Variants in NELL1 observed in about 807,000 individuals in gnomAD.
NELL1 encodes protein kinase C-binding protein NELL1.
In NELL1, 76 loss-of-function variants were observed where a neutral mutation model predicts 107.4. That is an observed-to-expected ratio of 0.71 (90% CI 0.59 to 0.86). NELL1 has a LOEUF of 0.86. Among genes scored for constraint, NELL1 ranks in the 40% least tolerant of loss-of-function variants. The pLI, the probability that NELL1 is intolerant of heterozygous loss-of-function variation, is 0.00. For missense variants in NELL1, 1,024 were observed against 1,005.5 expected, an observed-to-expected ratio of 1.02 and a Z score of -0.25; for synonymous variants, 353 against 341.2, an observed-to-expected ratio of 1.03 and a Z score of -0.38.
intron 13 of NELL1, among the ~76,000 whole-genome samples, chr11:21,126,751 G>C (rs1855495006): frequency 1.3e-5 from 2 of 152,206 alleles, no homozygotes; most frequent in Non-Finnish European, 2.9e-5. Context: ...CTTGCCTTGA[G>C]AAGCCCAGGC....
intron 12 of NELL1, among the ~76,000 whole-genome samples, chr11:21,077,603 C>T (rs1277621712): frequency 1.3e-5 from 2 of 151,878 alleles, no homozygotes; most frequent in Non-Finnish European, 1.5e-5. Flanking sequence ...ATTACCCTGG[C>T]GTGGTGGCAC....
intron 13 of NELL1, among the ~76,000 whole-genome samples, chr11:21,174,361 CT>C: frequency 6.6e-6 from 1 of 151,970 alleles, no homozygotes; most frequent in East Asian, 1.9e-4. Context: ...ACATTTTAAG[CT>C]TTTTCCCCCA....
At chr11:20,689,450 A>T (rs1238949656) in intron 2 of NELL1, among the ~76,000 whole-genome samples, 1 of 86,808 alleles carries the variant, frequency 1.2e-5, no homozygotes, top group Admixed American at 1.7e-4. Flanking sequence ...CCCACCCCAC[A>T]ACAGTCCCCA....
chr11:21,043,520 T>A (rs1164597113), intron 12 of NELL1, among the ~76,000 whole-genome samples: 3 of 152,158 alleles, frequency 2.0e-5, no homozygotes, highest in Admixed American at 2.0e-4. Flanking sequence ...GTCCATGGGC[T>A]ATGTTAAGGA....
chr11:21,360,998 T>C (rs370032860), intron 14 of NELL1, among the ~76,000 whole-genome samples: 3 of 152,196 alleles, frequency 2.0e-5, no homozygotes, highest in African/African-American at 7.2e-5. Flanking sequence ...CTATTCATCA[T>C]GCTAGTTGGT....
chr11:20,698,908 T>A (rs887614347), intron 2 of NELL1, among the ~76,000 whole-genome samples: 1 of 152,274 alleles, frequency 6.6e-6, no homozygotes, highest in East Asian at 1.9e-4. Flanking sequence ...CATTCCTGAG[T>A]TACTTCATTT....
At chr11:21,518,479 T>C (rs1363930348) in intron 15 of NELL1, among the ~76,000 whole-genome samples, 1 of 152,152 alleles carries the variant, frequency 6.6e-6, no homozygotes, top group Non-Finnish European at 1.5e-5. Context: ...AAGTAAAAAA[T>C]GTGGACCTGT....
intron 3 of NELL1, among the ~76,000 whole-genome samples, chr11:20,831,532 G>A (rs1858008987): frequency 6.6e-6 from 1 of 152,160 alleles, no homozygotes; most frequent in Admixed American, 6.5e-5. Context: ...AGGAATTATG[G>A]TAGCACAGGA....
chr11:20,691,197 G>A (rs977640582), intron 2 of NELL1, among the ~76,000 whole-genome samples: 19 of 152,196 alleles, frequency 1.2e-4, no homozygotes, highest in East Asian at 7.7e-4. Flanking sequence ...AGACAATGGC[G>A]TTTTCTAGAT....
At chr11:20,824,099 C>A (rs1490638863) in intron 3 of NELL1, among the ~76,000 whole-genome samples, 1 of 150,980 alleles carries the variant, frequency 6.6e-6, no homozygotes, top group African/African-American at 2.4e-5. Flanking sequence ...GAGGTGATTC[C>A]CCCCATGCTG....
At chr11:21,415,393 G>T (rs1253479247) in intron 15 of NELL1, among the ~76,000 whole-genome samples, 1 of 152,096 alleles carries the variant, frequency 6.6e-6, no homozygotes, top group East Asian at 1.9e-4. Context: ...AGACTTAAAA[G>T]GATTGAATTT....
At chr11:21,516,379 C>T (rs1427562204) in intron 15 of NELL1, among the ~76,000 whole-genome samples, 4 of 152,202 alleles carry the variant, frequency 2.6e-5, no homozygotes, top group South Asian at 4.1e-4. Context: ...TGCCTGTACA[C>T]GTGTGTGTAT....
intron 7 of NELL1, among the ~76,000 whole-genome samples, chr11:20,926,670 C>A (rs1213619609): frequency 6.6e-6 from 1 of 152,042 alleles, no homozygotes; most frequent in African/African-American, 2.4e-5. Context: ...ACTGGGTGGC[C>A]TAGAAAAATA....
At chr11:21,005,604 CTG>C (rs1396583464) in intron 12 of NELL1, among the ~76,000 whole-genome samples, 1 of 152,182 alleles carries the variant, frequency 6.6e-6, no homozygotes, top group East Asian at 1.9e-4. Context: ...TTGATAAAGA[CTG>C]TGTTCATGAG....
chr11:20,862,011 G>A (rs891167135), intron 4 of NELL1, among the ~76,000 whole-genome samples: 3 of 152,224 alleles, frequency 2.0e-5, no homozygotes, highest in Admixed American at 6.5e-5. Flanking sequence ...TACTTTAGAA[G>A]TTTAGATAAA....
chr11:21,048,750 A>G (rs1853417216), intron 12 of NELL1, among the ~76,000 whole-genome samples: 1 of 152,042 alleles, frequency 6.6e-6, no homozygotes, highest in Non-Finnish European at 1.5e-5. Context: ...CCTTCCATGC[A>G]CATGGAATGT....
intron 4 of NELL1, among the ~76,000 whole-genome samples, chr11:20,876,508 G>A (rs943388031): frequency 6.6e-6 from 1 of 152,208 alleles, no homozygotes; most frequent in African/African-American, 2.4e-5. Flanking sequence ...GCTCATGCCT[G>A]TAATCCCAGC....
intron 14 of NELL1, among the ~76,000 whole-genome samples, chr11:21,319,543 T>C (rs993060555): frequency 2.0e-5 from 3 of 149,240 alleles, no homozygotes; most frequent in Non-Finnish European, 4.4e-5. Context: ...GTTTTTAACA[T>C]GTTGATCAGG....
rs569336581 is a variant in NELL1, at chr11:21,211,412, C to T, written c.1427-17920C>T. Among the ~76,000 whole-genome samples the T allele has an allele frequency of 5.3e-5, 8 of 152,124 alleles. No homozygotes were observed. The South Asian group carries it at 1.0e-3, about 20-fold the overall frequency. Reference sequence around the variant, plus strand: ...GAATGGAGCAAAATCATGCTGGGCACGTAGGTAAAGGCAAGAGCATACTGG... The same window carrying T: ...GAATGGAGCAAAATCATGCTGGGCATGTAGGTAAAGGCAAGAGCATACTGG... On this transcript the variant is annotated intron_variant, in intron 13 of 19. Coordinates refer to ENST00000357134, the MANE Select transcript of NELL1 (RefSeq NM_006157.5).
Sources: gnomAD v4.1 joint callset for allele counts (sites outside exome capture counted in the v4.1 genomes callset) on GRCh38, gnomAD v4.1.1 for gene constraint, MANE v1.5 for transcripts, NCBI Gene and HGNC (gene_info 2026-07-23, HGNC 2026-07-21) for gene names.